The following PRR22 variants were observed in gnomAD, a reference collection of about 807,000 sequenced individuals.
PRR22 encodes proline rich 22.
Under a neutral mutation model 7.2 loss-of-function variants are expected in PRR22, and 5 were observed. That is an observed-to-expected ratio of 0.69 (90% CI 0.36 to 1.45). The LOEUF (loss-of-function observed/expected upper bound fraction) is 1.45, where lower values mean the gene tolerates loss of function less well. Among genes scored for constraint, PRR22 ranks in the 40% most tolerant of loss-of-function variants. The pLI is 0.03. For synonymous variants in PRR22, 319 were observed against 269.3 expected (o/e 1.18, Z -1.81); for missense variants, 619 against 568.8 (o/e 1.09, Z -0.90).
Position 5,783,983 on chromosome 19 carries a change from G to T in PRR22, c.264C>A (p.Asp88Glu). ...RIYRIEWTTP[D>E]LGQSALYKLA... Reference sequence around the variant, plus strand: ...GCTTATACAGGGCTGACTGGCCCAGGTCGGGGGTGGTCCACTCGATCCGAT... The same window carrying T: ...GCTTATACAGGGCTGACTGGCCCAGTTCGGGGGTGGTCCACTCGATCCGAT... The change falls in exon 3 of 3, where the codon GAC becomes GAA. Residue 88 changes from aspartate to glutamate, a missense_variant. Asp to Glu is a conservative substitution (Grantham distance 45). Transcript: ENST00000419421. The T allele has an allele frequency of 6.2e-7, 1 of 1,609,478 alleles. No homozygotes were observed. Among genetic ancestry groups the T allele is most frequent in the South Asian group, 1.1e-5 (1 of 90,950 alleles).
rs764732747 is a variant in PRR22 at position 5,783,762 on chromosome 19, T to C, written c.485A>G (p.Asp162Gly). The C allele has an allele frequency of 1.5e-5, 22 of 1,485,638 alleles. No individual in the cohort carries two copies. In the African/African-American group the frequency reaches 2.4e-4, roughly 16 times the overall value. The allele number at this position is 1,485,638 out of a possible 1,614,324, so 92.0% of individuals were successfully genotyped here. The change falls in exon 3 of 3, where the codon GAC (aspartate) becomes GGC (glycine). Residue 162 changes from aspartate (D) to glycine (G), a missense_variant. Asp to Gly is a moderately conservative substitution (Grantham distance 94). Coordinates refer to ENST00000419421, the MANE Select transcript of PRR22 (RefSeq NM_001134316.2). ...CTCCACGAAGGCGGCGGGCCCTGCG[T>C]CCCCCACAAAACCCAGAGCCTCTGG... ...PGPEALGFVG[D>G]AGPAAFVELP...
Position 5,783,533 on chromosome 19 carries a change from C to A in PRR22, c.714G>T (p.Gly238=). Residue 238 remains glycine, a synonymous_variant, in exon 3 of 3, where the codon GGG becomes GGT. Transcript: ENST00000419421. ...AFPVKELQGS[G]ARPGVPLYPP... ...GGTACAGGGGCACCCCAGGTCGGGC[C>A]CCACTGCCCTGCAGCTCCTTGACGG... 1 of 1,602,992 alleles carries A rather than the reference C, an allele frequency of 6.2e-7. No homozygotes were observed. The highest frequency in any genetic ancestry group is 1.7e-5 in the Admixed American group (1 of 57,908).
chr19:5,783,925 G>A lies in PRR22; in HGVS notation c.322C>T (p.Pro108Ser), dbSNP rs2144722944. 6.3e-7 allele frequency: 1 copy of A among 1,579,056 alleles called. No homozygotes were observed. The highest frequency in any genetic ancestry group is 1.3e-5 in the African/African-American group (1 of 74,092). The change falls in exon 3 of 3, where the codon CCC becomes TCC. Residue 108 changes from proline to serine, a missense_variant. Physicochemically the swap from Pro to Ser is moderately conservative, Grantham distance 74 (BLOSUM62 -1). Transcript: ENST00000419421. ...AGGAGGTAGCTGCCTGGGGCGGAGG[G>A]GACCCCCGCTGGCCCCCCGCTGCTT... The part of the protein sequence containing the change: ...AASSGGPAGV[P>S]SAPGSYLLEP...
In PRR22 at chr19:5,784,408, T is replaced by C. The variant is rs770152653; in HGVS notation, c.162A>G (p.Pro54=). ...GTGGGGCTGGAAACACCTCTTTCTC[T>C]GGGTCTGGGGGATGATACAGGTTCA... The part of the protein sequence containing the change: ...GSLNLYHPPD[P]EKEVFPAPPA... Residue 54 remains proline (P), a synonymous_variant, in exon 2 of 3, where the codon CCA becomes CCG. Coordinates refer to ENST00000419421, the MANE Select transcript of PRR22 (RefSeq NM_001134316.2). 1 of 1,582,280 alleles carries C rather than the reference T, an allele frequency of 6.3e-7. No homozygotes were observed. Among genetic ancestry groups the C allele is most frequent in the Non-Finnish European group, 8.6e-7 (1 of 1,164,172 alleles).
Position 5,783,927 on chromosome 19 carries a change from A to G in PRR22, c.320T>C (p.Val107Ala). 6.3e-7 allele frequency: 1 copy of G among 1,577,382 alleles called. No individual in the cohort carries two copies. The highest frequency in any genetic ancestry group is 2.4e-5 in the East Asian group (1 of 42,430). ...GAGGTAGCTGCCTGGGGCGGAGGGG[A>G]CCCCCGCTGGCCCCCCGCTGCTTGC... is the stretch of plus-strand genomic sequence containing the variant. ...LAASSGGPAG[V>A]PSAPGSYLLE... The change falls in exon 3 of 3, where the codon GTC (valine) becomes GCC (alanine). Residue 107 changes from valine (V) to alanine (A), a missense_variant. Val to Ala is a moderately conservative substitution (Grantham distance 64). Transcript: ENST00000419421.
rs954246503 is a variant in PRR22, at chr19:5,783,269, G to A, written c.978C>T (p.Ile326=). ...GCTCCTCGGGCAGGCACAGCGAGCGGATGTCATCGGCTGAGTTCCCACCAC... is the reference window on the plus strand; with the variant it reads ...GCTCCTCGGGCAGGCACAGCGAGCGAATGTCATCGGCTGAGTTCCCACCAC... ...DSSGGNSADD[I]RSLCLPEELL... Residue 326 remains isoleucine, a synonymous_variant, in exon 3 of 3, where the codon ATC becomes ATT. Transcript: ENST00000419421. The A allele has an allele frequency of 6.2e-7, 1 of 1,612,866 alleles. No individual in the cohort carries two copies. Among genetic ancestry groups the A allele is most frequent in the Non-Finnish European group, 8.5e-7 (1 of 1,179,994 alleles).
chr19:5,784,154 G>T, intron 2 of PRR22, 101 bp from the exon 3 acceptor site: 1 of 1,224,276 alleles, frequency 8.2e-7, no homozygotes, highest in Non-Finnish European at 1.2e-6. Flanking sequence ...CCTTGCCATT[G>T]GGGGGCCCCT....
At chr19:5,784,294 C>T (rs2056819351) in intron 2 of PRR22, 83 bp downstream of exon 2, 1 of 1,464,916 alleles carries the variant, frequency 6.8e-7, no homozygotes, top group East Asian at 2.3e-5. Flanking sequence ...CAGGCTCCCA[C>T]TTAGGGACGG....
chr19:5,783,977 G>A lies in PRR22; in HGVS notation c.270C>T (p.Gly90=), dbSNP rs995773372. Residue 90 remains glycine, a synonymous_variant, in exon 3 of 3, where the codon GGC becomes GGT. Coordinates refer to ENST00000419421, the MANE Select transcript of PRR22 (RefSeq NM_001134316.2). ...YRIEWTTPDL[G]QSALYKLAAS... ...CTGCCAGCTTATACAGGGCTGACTGGCCCAGGTCGGGGGTGGTCCACTCGA... is the reference window on the plus strand; with the variant it reads ...CTGCCAGCTTATACAGGGCTGACTGACCCAGGTCGGGGGTGGTCCACTCGA... 2.5e-6 allele frequency: 4 copies of A among 1,608,186 alleles called. No homozygotes were observed. Among genetic ancestry groups the A allele is most frequent in the Non-Finnish European group, 3.4e-6 (4 of 1,178,086 alleles).
Position 5,783,841 on chromosome 19 carries a change from C to T in PRR22, c.406G>A (p.Ala136Thr). 1 of 1,548,192 alleles carries T rather than the reference C, an allele frequency of 6.5e-7. No homozygotes were observed. The highest frequency in any genetic ancestry group is 8.7e-7 in the Non-Finnish European group (1 of 1,146,288). ...GLPPYPHYQQ[A>T]PGGPQFLLPY... ...AAGAGAAACTGGGGCCCCCCGGGTG[C>T]CTGCTGGTAGTGGGGGTATGGAGGC... is the stretch of plus-strand genomic sequence containing the variant. Residue 136 changes from alanine to threonine, a missense_variant, in exon 3 of 3, where the codon GCA (alanine) becomes ACA (threonine). By Grantham distance (58) the Ala-to-Thr change is moderately conservative (BLOSUM62 0). Transcript: ENST00000419421.
intron 2 of PRR22, 99 bp downstream of exon 2, chr19:5,784,278 T>C: frequency 1.5e-6 from 2 of 1,309,168 alleles, no homozygotes; most frequent in Non-Finnish European, 2.2e-6. Flanking sequence ...GCAGAGGCCA[T>C]GCCTTCAGGC....
Position 5,783,953 on chromosome 19 carries a change from TG to T in PRR22, c.293del (p.Ala98GlufsTer79). On this transcript the variant is annotated frameshift_variant, in exon 3 of 3. Coordinates refer to ENST00000419421, the MANE Select transcript of PRR22 (RefSeq NM_001134316.2). LOFTEE classifies it low-confidence loss of function (END_TRUNC). Reference sequence around the variant, plus strand: ...CCCCCGCTGGCCCCCCGCTGCTTGCTGCCAGCTTATACAGGGCTGACTGGCC... The same window carrying T: ...CCCCCGCTGGCCCCCCGCTGCTTGCTCCAGCTTATACAGGGCTGACTGGCC... Reference protein sequence around the residue: ...DLGQSALYKLAASSGGPAGVP... With the variant: ...DLGQSALYKLXASSGGPAGVP... 1 of 1,600,144 alleles carries T rather than the reference TG, an allele frequency of 6.2e-7. No homozygotes were observed. The highest frequency in any genetic ancestry group is 1.8e-5 in the Admixed American group (1 of 56,800).
chr19:5,784,108 C>G (rs1482837823), intron 2 of PRR22, 55 bp from the exon 3 acceptor site: 2 of 1,520,800 alleles, frequency 1.3e-6, no homozygotes, highest in Admixed American at 1.7e-5. Context: ...GGGCCCAGCC[C>G]AAGCCTGGGG....
rs142476520 is a variant in PRR22, at chr19:5,783,619, C to T, written c.628G>A (p.Ala210Thr). 1.1e-4 allele frequency: 182 copies of T among 1,602,158 alleles called. 1 individual carries two copies. In the East Asian group the frequency reaches 2.4e-3, roughly 21 times the overall value. ...LPAEPTLPPDAYSHLQGHLGH... is the reference protein window; with the variant it reads ...LPAEPTLPPDTYSHLQGHLGH... ...AGGTGACCCTGGAGGTGGCTGTAGGCGTCTGGGGGCAGTGTGGGCTCTGCA... is the reference window on the plus strand; with the variant it reads ...AGGTGACCCTGGAGGTGGCTGTAGGTGTCTGGGGGCAGTGTGGGCTCTGCA... The change falls in exon 3 of 3, where the codon GCC becomes ACC. Residue 210 changes from alanine to threonine, a missense_variant. Transcript: ENST00000419421.
chr19:5,784,668 C>CG lies in PRR22; in HGVS notation c.-9dup. On this transcript the variant is annotated 5_prime_UTR_variant, in exon 1 of 3. Coordinates refer to ENST00000419421, the MANE Select transcript of PRR22 (RefSeq NM_001134316.2). ...CGGTTTGGGGTGCTGCATGGGGCAGCGGGGGGCCCGGTCCAGACAGGCCAG... is the reference window on the plus strand; with the variant it reads ...CGGTTTGGGGTGCTGCATGGGGCAGCGGGGGGGCCCGGTCCAGACAGGCCAG... 6.5e-7 allele frequency: 1 copy of CG among 1,532,980 alleles called. No individual in the cohort carries two copies. The highest frequency in any genetic ancestry group is 1.4e-5 in the African/African-American group (1 of 73,062). 95.0% of individuals were successfully genotyped at this position (1,532,980 alleles called of 1,614,324 possible). A position where few individuals can be genotyped will look rare whatever the true frequency, so the allele number is the denominator to read the frequency against.
At position 5,784,708 on chromosome 19, in the gene PRR22, G is replaced by A; in HGVS notation, c.-48C>T. 1 of 1,519,366 alleles carries A rather than the reference G, an allele frequency of 6.6e-7. No individual in the cohort carries two copies. The highest frequency in any genetic ancestry group is 1.2e-5 in the South Asian group (1 of 82,190). 94.1% of individuals were successfully genotyped at this position (1,519,366 alleles called of 1,614,324 possible). A position where few individuals can be genotyped will look rare whatever the true frequency, so the allele number is the denominator to read the frequency against. ...AGACAGGCCAGGAGGGCGGCAGTGG[G>A]AGTGCAAGTGGCCCAACCGGAGAAC... is the stretch of plus-strand genomic sequence containing the variant. On this transcript the variant is annotated 5_prime_UTR_variant, in exon 1 of 3. Transcript: ENST00000419421.
At position 5,783,323 on chromosome 19, in the gene PRR22, C is replaced by G; in HGVS notation, c.924G>C (p.Glu308Asp). The G allele has an allele frequency of 6.2e-7, 1 of 1,612,748 alleles. No individual in the cohort carries two copies. The highest frequency in any genetic ancestry group is 8.5e-7 in the Non-Finnish European group (1 of 1,179,944). The change falls in exon 3 of 3, where the codon GAG becomes GAC. Residue 308 changes from glutamate (E) to aspartate (D), a missense_variant. Glu to Asp is a conservative substitution (Grantham distance 45, BLOSUM62 2). Coordinates refer to ENST00000419421, the MANE Select transcript of PRR22 (RefSeq NM_001134316.2). ...TGTCAGGCAGGGCCGGCCCAGGGAC[C>G]TCGCACAGGGTACCCTCAGGCTCAG... ...GASEPEGTLC[E>D]VPGPALPDSS...
At position 5,783,259 on chromosome 19, in the gene PRR22, A is replaced by G. The variant is rs763461644; in HGVS notation, c.988T>C (p.Cys330Arg). The change falls in exon 3 of 3, where the codon TGC becomes CGC. Residue 330 changes from cysteine (C) to arginine (R), a missense_variant. Coordinates refer to ENST00000419421, the MANE Select transcript of PRR22 (RefSeq NM_001134316.2). The stretch of plus-strand genomic sequence containing the variant: ...AAGGACAGCAGCTCCTCGGGCAGGC[A>G]CAGCGAGCGGATGTCATCGGCTGAG... Reference protein sequence around the residue: ...GNSADDIRSLCLPEELLSFDY... With the variant: ...GNSADDIRSLRLPEELLSFDY... 1 of 1,612,838 alleles carries G rather than the reference A, an allele frequency of 6.2e-7. No individual in the cohort carries two copies. Among genetic ancestry groups the G allele is most frequent in the Non-Finnish European group, 8.5e-7 (1 of 1,179,982 alleles).
Position 5,784,598 on chromosome 19 carries a change from A to C in PRR22, c.63T>G (p.Ser21Arg), listed in dbSNP as rs767486050. The C allele has an allele frequency of 6.5e-7, 1 of 1,541,970 alleles. No homozygotes were observed. Among genetic ancestry groups the C allele is most frequent in the Non-Finnish European group, 8.7e-7 (1 of 1,146,790 alleles). ...AAPQEGFSPQ[S>R]LEGAEVLGNQ... ...TGCCCAGCACCTCAGCCCCCTCCAG[A>C]CTCTGCGGGCTGAAACCTTCCTGGG... The change falls in exon 1 of 3, where the codon AGT becomes AGG. Residue 21 changes from serine to arginine, a missense_variant. Coordinates refer to ENST00000419421, the MANE Select transcript of PRR22 (RefSeq NM_001134316.2).
Sources: gnomAD v4.1 joint callset for allele counts on GRCh38, gnomAD v4.1.1 for gene constraint, MANE v1.5 for transcripts, NCBI Gene and HGNC (gene_info 2026-07-23, HGNC 2026-07-21) for gene names.